The following ATL1 variants were observed in gnomAD, a reference collection of about 807,000 sequenced individuals.
ATL1 encodes the protein atlastin GTPase 1.
Under a neutral mutation model 75.5 loss-of-function variants are expected in ATL1, and 31 were observed. The observed-to-expected ratio is 0.41, with a 90% CI of 0.31 to 0.55. The LOEUF is 0.55. ATL1 is among the 20% of genes least tolerant of loss of function. ATL1 has a pLI of 0.27. For missense variants in ATL1, 405 were observed against 662.6 expected (o/e 0.61, Z 4.27); for synonymous variants, 226 against 233.3 (o/e 0.97, Z 0.28).
chr14:50,594,624 A>G (rs1251574724), intron 5 of ATL1, among the ~76,000 whole-genome samples: 11 of 152,190 alleles, frequency 7.2e-5, no homozygotes, highest in Admixed American at 7.2e-4. Flanking sequence ...GAAAGTTCCC[A>G]GGACTAAGGA....
chr14:50,563,683 G>A (rs2140178303), intron 1 of ATL1, among the ~76,000 whole-genome samples: 1 of 152,280 alleles, frequency 6.6e-6, no homozygotes, highest in South Asian at 2.1e-4. Context: ...GACCATGAAA[G>A]CTACACAGCA....
chr14:50,612,942 A>G (rs1041166309), intron 6 of ATL1, among the ~76,000 whole-genome samples: 1 of 152,134 alleles, frequency 6.6e-6, no homozygotes, highest in Non-Finnish European at 1.5e-5. Context: ...CTAGGAACCT[A>G]TTCTACACAA....
At chr14:50,599,642 A>G (rs1393119431) in intron 6 of ATL1, among the ~76,000 whole-genome samples, 3 of 152,244 alleles carry the variant, frequency 2.0e-5, no homozygotes, top group Admixed American at 2.0e-4. Flanking sequence ...ATCTAAAGGC[A>G]ATGAACCAAA....
At chr14:50,617,020 A>G (rs949770181) in intron 8 of ATL1, among the ~76,000 whole-genome samples, 1 of 152,180 alleles carries the variant, frequency 6.6e-6, no homozygotes, top group Non-Finnish European at 1.5e-5. Context: ...CGAATAAACA[A>G]TTATGCAAAA....
intron 1 of ATL1, among the ~76,000 whole-genome samples, chr14:50,578,487 T>G (rs1245923044): frequency 6.6e-6 from 1 of 152,198 alleles, no homozygotes. Flanking sequence ...CCTTTCATAT[T>G]TGTGCTCTGT....
At chr14:50,613,228 C>T in intron 6 of ATL1, 31 bp from the exon 7 acceptor site, 1 of 1,540,878 alleles carries the variant, frequency 6.5e-7, no homozygotes, top group African/African-American at 1.4e-5. Flanking sequence ...CCTTAAAGTC[C>T]TCATATCAAT....
intron 13 of ATL1, 52 bp from the exon 14 acceptor site, chr14:50,632,177 T>C: frequency 7.4e-7 from 1 of 1,359,872 alleles, no homozygotes; most frequent in Middle Eastern, 1.9e-4. Flanking sequence ...GAAAAAATTT[T>C]ACATCTGTGT....
chr14:50,546,996 C>T (rs762103569), intron 1 of ATL1, among the ~76,000 whole-genome samples: 12 of 151,984 alleles, frequency 7.9e-5, no homozygotes, highest in Admixed American at 3.3e-4. Flanking sequence ...TAGCCCCCCA[C>T]CCCCCAACAG....
chr14:50,595,093 C>A (rs1468456722), intron 5 of ATL1, among the ~76,000 whole-genome samples: 2 of 151,846 alleles, frequency 1.3e-5, no homozygotes, highest in Non-Finnish European at 2.9e-5. Context: ...ATGCCTAATG[C>A]TTTTGTAGTA....
rs989139040 is a variant in ATL1 at position 50,613,199 on chromosome 14, T to C, written c.631-60T>C. On this transcript the variant is annotated intron_variant, in intron 6 of 13. Coordinates refer to ENST00000358385, the MANE Select transcript of ATL1 (RefSeq NM_015915.5). ...ACAGTGATATTATAACTGGTTTCCA[T>C]ATAAAGCAAAGGGAGGCACCTTAAA... The C allele has an allele frequency of 1.4e-5, 17 of 1,228,830 alleles. No homozygotes were observed. In the African/African-American group the frequency reaches 2.4e-4, roughly 17 times the overall value. 76.1% of individuals were successfully genotyped at this position (1,228,830 alleles called of 1,614,324 possible).
intron 4 of ATL1, 130 bp from the exon 5 acceptor site, chr14:50,593,716 T>A: frequency 3.2e-6 from 2 of 624,436 alleles, no homozygotes; most frequent in Non-Finnish European, 5.8e-6. Context: ...GTCTTACAAA[T>A]ATCATGTAAG....
At chr14:50,594,597 A>G (rs2039194899) in intron 5 of ATL1, among the ~76,000 whole-genome samples, 2 of 152,216 alleles carry the variant, frequency 1.3e-5, no homozygotes, top group Admixed American at 6.5e-5. Flanking sequence ...TCGGTTTACA[A>G]CTGGCGACAG....
At chr14:50,594,645 C>T (rs2039195165) in intron 5 of ATL1, among the ~76,000 whole-genome samples, 1 of 152,134 alleles carries the variant, frequency 6.6e-6, no homozygotes. Context: ...GCACAACTCT[C>T]CAGGTTTATT....
rs555762007 is a variant in ATL1 at position 50,620,662 on chromosome 14, G to A, written c.926G>A (p.Ser309Asn). The A allele has an allele frequency of 6.2e-7, 1 of 1,613,744 alleles. No homozygotes were observed. The highest frequency in any genetic ancestry group is 1.1e-5 in the South Asian group (1 of 91,076). The stretch of plus-strand genomic sequence containing the variant: ...ATTCCTTGGCTACTTAGTCCCGAGA[G>A]CCTAGATATTAAAGAGATCAATGGG... ...ILIPWLLSPE[S>N]LDIKEINGNK... Residue 309 changes from serine (S) to asparagine (N), a missense_variant, in exon 9 of 14, where the codon AGC becomes AAC. By Grantham distance (46) the Ser-to-Asn change is conservative (BLOSUM62 1). Coordinates refer to ENST00000358385, the MANE Select transcript of ATL1 (RefSeq NM_015915.5).
intron 6 of ATL1, among the ~76,000 whole-genome samples, chr14:50,599,627 G>A (rs143521650): frequency 2.0e-5 from 3 of 152,270 alleles, no homozygotes; most frequent in Non-Finnish European, 4.4e-5. Flanking sequence ...GGAATACTTT[G>A]CAACATCTAA....
intron 1 of ATL1, among the ~76,000 whole-genome samples, chr14:50,536,235 G>A (rs899023331): frequency 2.0e-5 from 3 of 152,092 alleles, no homozygotes; most frequent in Non-Finnish European, 4.4e-5. Flanking sequence ...ATCTGAGGTC[G>A]GGAGTTTGAG....
intron 1 of ATL1, among the ~76,000 whole-genome samples, chr14:50,562,964 C>T (rs534318296): frequency 1.3e-5 from 2 of 152,298 alleles, no homozygotes; most frequent in South Asian, 4.1e-4. Flanking sequence ...AAGCTAATGT[C>T]ATATGAAATA....
At position 50,587,877 on chromosome 14, in the gene ATL1, GCC is replaced by G; in HGVS notation, c.82_83del (p.Pro28SerfsTer15). On this transcript the variant is annotated frameshift_variant, in exon 2 of 14. Coordinates refer to ENST00000358385, the MANE Select transcript of ATL1 (RefSeq NM_015915.5). LOFTEE classifies it high-confidence loss of function. ...TYEWSSEEEE[P>X]VKKAGPVQVL... is the part of the protein sequence containing the mutation. ...ATGAATGGAGCTCAGAAGAGGAGGA[GCC>G]AGTGAAAAAGGCAGGACCAGTCCAA... The G allele has an allele frequency of 6.2e-7, 1 of 1,614,108 alleles. No homozygotes were observed. The highest frequency in any genetic ancestry group is 8.5e-7 in the Non-Finnish European group (1 of 1,179,972).
chr14:50,570,467 C>G (rs2038944628), intron 1 of ATL1, among the ~76,000 whole-genome samples: 1 of 152,162 alleles, frequency 6.6e-6, no homozygotes, highest in Non-Finnish European at 1.5e-5. Context: ...CCTCAAAATC[C>G]TGGCCACAAG....
Sources: allele counts gnomAD v4.1 joint callset (sites outside exome capture counted in the v4.1 genomes callset), GRCh38; gene constraint gnomAD v4.1.1; transcripts MANE v1.5; gene names NCBI Gene and HGNC (gene_info 2026-07-23, HGNC 2026-07-21).